L3MBTL4: variants seen among roughly 807,000 people sequenced by gnomAD.
L3MBTL4 encodes the protein L3MBTL histone methyl-lysine binding protein 4, also known as lethal(3)malignant brain tumor-like protein 4.
L3MBTL4 carries 70 observed loss-of-function variants against 84.5 expected under a neutral mutation model. The observed-to-expected ratio is 0.83, with a 90% CI of 0.68 to 1.01. L3MBTL4 has a LOEUF of 1.01. Ranked by LOEUF, L3MBTL4 falls within the 50% of genes least tolerant of loss-of-function variation. L3MBTL4 has a pLI of 0.00. For synonymous variants in L3MBTL4, 274 were observed against 259.8 expected, an observed-to-expected ratio of 1.05 and a Z score of -0.52; for missense variants, 715 against 754.8, an observed-to-expected ratio of 0.95 and a Z score of 0.62.
chr18:6,031,161 T>C lies in L3MBTL4; in HGVS notation c.1444+49720A>G, dbSNP rs1458741911. 4 of 985,342 alleles carry C rather than the reference T, an allele frequency of 4.1e-6. No homozygotes were observed. In the African/African-American group the frequency reaches 7.0e-5, roughly 17 times the overall value. The allele number at this position is 985,342 out of a possible 1,614,324, so 61.0% of individuals were successfully genotyped here. A position where few individuals can be genotyped will look rare whatever the true frequency, so the allele number is the denominator to read the frequency against. ...TAAACCCAGCTCTTGTCCTGATTTA[T>C]GCTCCTCTCCCTCCTCCCCCGTGGG... On this transcript the variant is annotated intron_variant, in intron 16 of 18. Coordinates refer to ENST00000317931, the MANE Select transcript of L3MBTL4 (RefSeq NM_001330559.2).
chr18:6,299,727 G>T (rs7235113), intron 4 of L3MBTL4, among the ~76,000 whole-genome samples: 28,802 of 152,014 alleles, frequency 0.19, 2,866 homozygotes, highest in African/African-American at 0.23. Flanking sequence ...TGGAGTGCAG[G>T]GACAAGATCT....
At chr18:6,256,309 T>G (rs940761782) in intron 5 of L3MBTL4, among the ~76,000 whole-genome samples, 1 of 152,158 alleles carries the variant, frequency 6.6e-6, no homozygotes, top group African/African-American at 2.4e-5. Flanking sequence ...AGAACTTAAA[T>G]TTGGGGTAGG....
chr18:6,086,410 C>T (rs144835554), intron 15 of L3MBTL4, among the ~76,000 whole-genome samples: 26 of 152,160 alleles, frequency 1.7e-4, no homozygotes, highest in African/African-American at 6.0e-4. Context: ...AGAATCAGCT[C>T]GGAAAAATAT....
chr18:6,396,698 A>G (rs999880311), intron 1 of L3MBTL4: 1 of 152,252 alleles, frequency 6.6e-6, no homozygotes, highest in Non-Finnish European at 1.5e-5. Flanking sequence ...CATGTTACTA[A>G]CTATATCACC....
At chr18:6,319,374 C>G (rs1054852541) in intron 1 of L3MBTL4, among the ~76,000 whole-genome samples, 2 of 151,790 alleles carry the variant, frequency 1.3e-5, no homozygotes, top group Non-Finnish European at 2.9e-5. Flanking sequence ...CCATTATTAG[C>G]TAGATTAACC....
intron 13 of L3MBTL4, among the ~76,000 whole-genome samples, 190 bp downstream of exon 13, chr18:6,171,638 C>T (rs530305673): frequency 1.3e-4 from 20 of 152,342 alleles, no homozygotes; most frequent in African/African-American, 4.6e-4. Flanking sequence ...AAGATTATCA[C>T]TTTTCATTAA....
chr18:6,286,318 G>C (rs571221503), intron 4 of L3MBTL4, among the ~76,000 whole-genome samples: 3 of 151,784 alleles, frequency 2.0e-5, no homozygotes, highest in South Asian at 4.2e-4. Flanking sequence ...ACAAGAATTA[G>C]CTGGGCATGG....
intron 4 of L3MBTL4, among the ~76,000 whole-genome samples, chr18:6,275,784 G>GA (rs2049054534): frequency 2.6e-5 from 4 of 152,052 alleles, no homozygotes; most frequent in Admixed American, 2.0e-4. Flanking sequence ...AAGACAAAGG[G>GA]AAAAAAATCC....
At chr18:6,157,465 C>T (rs1310186188) in intron 13 of L3MBTL4, among the ~76,000 whole-genome samples, 2 of 152,088 alleles carry the variant, frequency 1.3e-5, no homozygotes, top group Non-Finnish European at 2.9e-5. Context: ...TTTCAATGCT[C>T]ATAAAAGATG....
rs35283365 is a variant in L3MBTL4, at chr18:6,062,829, A to AT, written c.1444+18051dup. Among the ~76,000 whole-genome samples the AT allele has an allele frequency of 2.5e-3, 330 of 133,864 alleles. 1 individual carries two copies. Among genetic ancestry groups the AT allele is most frequent in the Middle Eastern group, 4.0e-3 (1 of 252 alleles). 87.8% of individuals were successfully genotyped at this position (133,864 alleles called of 152,430 possible). A position where few individuals can be genotyped will look rare whatever the true frequency, so the allele number is the denominator to read the frequency against. ...TTGTTTTTGAATACTAGCATTTCCA[A>AT]TTTTTTTTTTTTTAATTTCAATAGT... is the stretch of plus-strand genomic sequence containing the variant. On this transcript the variant is annotated intron_variant, in intron 16 of 18. Coordinates refer to ENST00000317931, the MANE Select transcript of L3MBTL4 (RefSeq NM_001330559.2).
At chr18:6,103,616 C>G (rs1009921216) in intron 14 of L3MBTL4, among the ~76,000 whole-genome samples, 1 of 152,148 alleles carries the variant, frequency 6.6e-6, no homozygotes, top group Non-Finnish European at 1.5e-5. Flanking sequence ...ATAATTCCAT[C>G]TTTTGGAAGG....
At chr18:6,116,971 G>A (rs925362466) in intron 14 of L3MBTL4, among the ~76,000 whole-genome samples, 1 of 152,140 alleles carries the variant, frequency 6.6e-6, no homozygotes, top group Non-Finnish European at 1.5e-5. Context: ...TAGTTTTGTG[G>A]GTTCCAGAAC....
chr18:6,077,418 C>T (rs1300631135), intron 16 of L3MBTL4, among the ~76,000 whole-genome samples: 1 of 152,072 alleles, frequency 6.6e-6, no homozygotes, highest in Non-Finnish European at 1.5e-5. Flanking sequence ...TCCAATCTTA[C>T]GTTTATATAT....
intron 1 of L3MBTL4, among the ~76,000 whole-genome samples, chr18:6,399,138 A>AC (rs1251398719): frequency 6.6e-6 from 1 of 152,148 alleles, no homozygotes; most frequent in Non-Finnish European, 1.5e-5. Context: ...ACTTAGCCAA[A>AC]CCTTTGGAAA....
rs1291438332 is a variant in L3MBTL4 at position 6,202,596 on chromosome 18, T to C, written c.981+10553A>G. On this transcript the variant is annotated intron_variant, in intron 12 of 18. Coordinates refer to ENST00000317931, the MANE Select transcript of L3MBTL4 (RefSeq NM_001330559.2). ...ATCAAGGGGACTGCAGTCATAGGAA[T>C]GGAGAGAGGTAAGGAGACTAGGAAT... Among the ~76,000 whole-genome samples, 6 of 152,084 alleles carry C rather than the reference T, an allele frequency of 3.9e-5. No individual in the cohort carries two copies. In the East Asian group the frequency reaches 9.7e-4, roughly 25 times the overall value.
At chr18:6,192,572 A>G (rs547655634) in intron 12 of L3MBTL4, among the ~76,000 whole-genome samples, 132 of 152,250 alleles carry the variant, frequency 8.7e-4, no homozygotes, top group African/African-American at 3.0e-3. Flanking sequence ...TCATCGGCTG[A>G]GAACGAGAGT....
chr18:6,232,730 G>A (rs1168439478), intron 10 of L3MBTL4, among the ~76,000 whole-genome samples: 2 of 151,764 alleles, frequency 1.3e-5, no homozygotes, highest in Non-Finnish European at 1.5e-5. Flanking sequence ...TGTTATGTCT[G>A]AATTTTCTAA....
At chr18:6,385,598 A>G (rs1025527567) in intron 1 of L3MBTL4, among the ~76,000 whole-genome samples, 3 of 152,004 alleles carry the variant, frequency 2.0e-5, no homozygotes, top group African/African-American at 7.3e-5. Flanking sequence ...TTGGTTAACC[A>G]CTCTTCAAGC....
chr18:6,120,215 C>T (rs531758879), intron 14 of L3MBTL4, among the ~76,000 whole-genome samples: 49 of 152,314 alleles, frequency 3.2e-4, no homozygotes, highest in African/African-American at 9.6e-4. Flanking sequence ...AGGTCAGTCT[C>T]GGAACCGACC....
Sources: allele counts gnomAD v4.1 joint callset (sites outside exome capture counted in the v4.1 genomes callset), GRCh38; gene constraint gnomAD v4.1.1; transcripts MANE v1.5; gene names NCBI Gene and HGNC (gene_info 2026-07-23, HGNC 2026-07-21).